Variants in L3MBTL2 observed in about 807,000 individuals in gnomAD.
L3MBTL2 encodes the protein lethal(3)malignant brain tumor-like protein 2.
Under a neutral mutation model 86.4 loss-of-function variants are expected in L3MBTL2, and 49 were observed. That is an observed-to-expected ratio of 0.57 (90% CI 0.45 to 0.72). The LOEUF (loss-of-function observed/expected upper bound fraction) is 0.72. Among genes scored for constraint, L3MBTL2 ranks in the 30% least tolerant of loss-of-function variants. The pLI is 0.00. For missense variants in L3MBTL2, 755 were observed against 923.7 expected (o/e 0.82, Z 2.37); for synonymous variants, 336 against 350.6 (o/e 0.96, Z 0.47).
rs750415998 is a variant in L3MBTL2 at position 41,224,221 on chromosome 22, C to T, written c.1144C>T (p.Arg382Ter). ...CCTGATCCACCCAGTGGGTTGGTCA[C>T]GACGTGTGGGCCACGGCATCAAGAT... Reference protein sequence around the residue: ...SPLIHPVGWSRRVGHGIKMSE... With the variant: ...SPLIHPVGWS The change falls in exon 9 of 17, where the codon CGA becomes TGA. Residue 382 changes from arginine (R) to a stop codon, truncating the protein, a stop_gained. Coordinates refer to ENST00000216237, the MANE Select transcript of L3MBTL2 (RefSeq NM_031488.5). LOFTEE classifies it high-confidence loss of function. The surrounding 1 kb of genome is among the most constrained non-coding windows in gnomAD (Gnocchi z 4.9). The T allele has an allele frequency of 2.5e-6, 4 of 1,613,132 alleles. No homozygotes were observed. The highest frequency in any genetic ancestry group is 1.7e-5 in the Admixed American group (1 of 59,998).
At position 41,222,682 on chromosome 22, in the gene L3MBTL2, G is replaced by A. The variant is rs564071418; in HGVS notation, c.943-1338G>A. ...CTCCTGTAATCCCAGCACTTTGGGA[G>A]GCCGAGGTCAGAAGATCACCTGAGG... On this transcript the variant is annotated intron_variant, in intron 8 of 16. Coordinates refer to ENST00000216237, the MANE Select transcript of L3MBTL2 (RefSeq NM_031488.5). Among the ~76,000 whole-genome samples the A allele has an allele frequency of 2.4e-4, 37 of 152,078 alleles. 1 individual carries two copies. In the South Asian group the frequency reaches 7.7e-3, roughly 32 times the overall value.
rs139439 is a variant in L3MBTL2, at chr22:41,210,026, A to T, written c.262+93A>T. On this transcript the variant is annotated intron_variant, in intron 2 of 16. Transcript: ENST00000216237. ...ATAGGCTATATGGGCAGAGCCATCC[A>T]GATGTAAAAGGCTATTAACTCTGAT... 10 of 1,503,818 alleles carry T rather than the reference A, an allele frequency of 6.6e-6. No homozygotes were observed. The East Asian group carries it at 2.0e-4, about 31-fold the overall frequency. 93.2% of individuals were successfully genotyped at this position (1,503,818 alleles called of 1,614,324 possible).
rs1415991948 is a variant in L3MBTL2, at chr22:41,223,983, T to C, written c.943-37T>C. On this transcript the variant is annotated intron_variant, in intron 8 of 16. Coordinates refer to ENST00000216237, the MANE Select transcript of L3MBTL2 (RefSeq NM_031488.5). Reference sequence around the variant, plus strand: ...GCAGGAGGGTGGGTGGGAAGAGCCCTGAGCCATAGCAGGCCTGTGTTCTGA... The same window carrying C: ...GCAGGAGGGTGGGTGGGAAGAGCCCCGAGCCATAGCAGGCCTGTGTTCTGA... The C allele has an allele frequency of 5.2e-6, 8 of 1,553,040 alleles. No individual in the cohort carries two copies. The African/African-American group carries it at 1.1e-4, about 21-fold the overall frequency.
In L3MBTL2 at chr22:41,221,217, C is replaced by G. The variant is rs1300885573; in HGVS notation, c.872C>G (p.Thr291Ser). ...TCCACAGCCATCCATGCCAAGTTCA[C>G]CGACTGGAAGGGCTACCTCATGAAA... is the stretch of plus-strand genomic sequence containing the variant. The part of the protein sequence containing the change: ...VPPRTIHAKF[T>S]DWKGYLMKRL... The change falls in exon 8 of 17, where the codon ACC becomes AGC. Residue 291 changes from threonine (T) to serine (S), a missense_variant. Coordinates refer to ENST00000216237, the MANE Select transcript of L3MBTL2 (RefSeq NM_031488.5). 2 of 1,550,584 alleles carry G rather than the reference C, an allele frequency of 1.3e-6. No homozygotes were observed. Among genetic ancestry groups the G allele is most frequent in the Non-Finnish European group, 1.7e-6 (2 of 1,146,040 alleles).
At chr22:41,211,664 C>G (rs1209724772) in intron 2 of L3MBTL2, among the ~76,000 whole-genome samples, 1 of 148,412 alleles carries the variant, frequency 6.7e-6, no homozygotes, top group African/African-American at 2.5e-5. Context: ...TCAAGCCATT[C>G]TCCTGCCTCA....
In L3MBTL2 at chr22:41,229,578, CAG is replaced by C. The variant is rs758401498; in HGVS notation, c.1928_1929del (p.Gln643ArgfsTer134). The C allele has an allele frequency of 1.3e-5, 21 of 1,613,392 alleles. No individual in the cohort carries two copies. The highest frequency in any genetic ancestry group is 1.7e-4 in the Middle Eastern group (1 of 5,992). On this transcript the variant is annotated frameshift_variant, in exon 16 of 17. Transcript: ENST00000216237. LOFTEE classifies it high-confidence loss of function. ...GCCCACTAAGACGCGACCCCTCAGA[CAG>C]GGGTCCAAGAAGCCCCTGCTGGAGG... Reference protein sequence around the residue: ...IPPTKTRPLRQGSKKPLLEDD... With the variant: ...IPPTKTRPLRXGSKKPLLEDD...
At chr22:41,226,228 G>T (rs1409316267) in intron 12 of L3MBTL2, among the ~76,000 whole-genome samples, 2 of 152,004 alleles carry the variant, frequency 1.3e-5, no homozygotes, top group Non-Finnish European at 2.9e-5. Flanking sequence ...AGTGAGCCGA[G>T]ATCATGCCAT....
In L3MBTL2 at chr22:41,216,156, A is replaced by G; in HGVS notation, c.414A>G (p.Lys138=). 1 of 1,613,802 alleles carries G rather than the reference A, an allele frequency of 6.2e-7. No homozygotes were observed. The highest frequency in any genetic ancestry group is 8.5e-7 in the Non-Finnish European group (1 of 1,179,872). Residue 138 remains lysine (K), a synonymous_variant, in exon 4 of 17, where the codon AAA becomes AAG. Transcript: ENST00000216237. ...CTCTCCAGGGAAAACCACCGACCAA[A>G]AAAGCCAAAGTCCTGCACAAGGCTG... ...LARLQGKPPT[K]KAKVLHKAAW... is the part of the protein sequence containing the mutation.
rs758875511 is a variant in L3MBTL2, at chr22:41,211,573, T to TTTTTTTTTTTTTTC, written c.262+1641_262+1642insTTTTTTTTTTTTCT. 5.1e-4 allele frequency among the ~76,000 whole-genome samples: 71 copies of TTTTTTTTTTTTTTC among 139,558 alleles called. 3 individuals carry two copies. The highest frequency in any genetic ancestry group is 2.7e-3 in the East Asian group (13 of 4,730). 91.6% of individuals were successfully genotyped at this position (139,558 alleles called of 152,430 possible). Reference sequence around the variant, plus strand: ...TCTTATTTCCTTTTTTTTTTTTTTTTTGAGACGGAGTCTTGCTCTGTCACC... The same window carrying TTTTTTTTTTTTTTC: ...TCTTATTTCCTTTTTTTTTTTTTTTTTTTTTTTTTTTTTCTGAGACGGAGTCTTGCTCTGTCACC... On this transcript the variant is annotated intron_variant, in intron 2 of 16. Coordinates refer to ENST00000216237, the MANE Select transcript of L3MBTL2 (RefSeq NM_031488.5).
chr22:41,229,627 A>G lies in L3MBTL2; in HGVS notation c.1976A>G (p.Lys659Arg). The change falls in exon 16 of 17, where the codon AAG (lysine) becomes AGG (arginine). Residue 659 changes from lysine (K) to arginine (R), a missense_variant. By Grantham distance (26) the Lys-to-Arg change is conservative. Coordinates refer to ENST00000216237, the MANE Select transcript of L3MBTL2 (RefSeq NM_031488.5). ...GAGGACGACCCTCAGGGTGCCAGGA[A>G]GATCTCGTCGGAGCCTGTTCCTGGC... ...LLEDDPQGAR[K>R]ISSEPVPGEI... 6.2e-7 allele frequency: 1 copy of G among 1,613,832 alleles called. No homozygotes were observed. Among genetic ancestry groups the G allele is most frequent in the Non-Finnish European group, 8.5e-7 (1 of 1,179,980 alleles).
At chr22:41,217,401 C>T (rs762413790) in intron 5 of L3MBTL2, 199 bp downstream of exon 5, 14 of 571,990 alleles carry the variant, frequency 2.4e-5, no homozygotes, top group Non-Finnish European at 4.1e-5. Context: ...ACCTGCTTGG[C>T]TTCACTCCCG....
chr22:41,209,977 T>G, intron 2 of L3MBTL2, 44 bp downstream of exon 2: 1 of 1,599,564 alleles, frequency 6.3e-7, no homozygotes, highest in Non-Finnish European at 8.5e-7. Context: ...AGATAGAAGA[T>G]TATAGAGGAA....
In L3MBTL2 at chr22:41,219,479, AGTGATGCT is replaced by A; in HGVS notation, c.665_672del (p.Asp222AlafsTer24). ...AGGGATGAAGGTGGAGGTGCTCAAC[AGTGATGCT>A]GTGCTCCCCAGCCGGGTGTACTGGA... On this transcript the variant is annotated frameshift_variant, in exon 6 of 17. Transcript: ENST00000216237. LOFTEE classifies it high-confidence loss of function. 6.2e-7 allele frequency: 1 copy of A among 1,613,974 alleles called. No individual in the cohort carries two copies. The highest frequency in any genetic ancestry group is 8.5e-7 in the Non-Finnish European group (1 of 1,179,908).
intron 6 of L3MBTL2, among the ~76,000 whole-genome samples, chr22:41,219,766 G>T (rs537291418): frequency 6.6e-6 from 1 of 152,172 alleles, no homozygotes; most frequent in Non-Finnish European, 1.5e-5. Flanking sequence ...TTTTTAGATG[G>T]TGTCTTGCTC....
In L3MBTL2 at chr22:41,219,455, G is replaced by C; in HGVS notation, c.637G>C (p.Gly213Arg). 6.2e-7 allele frequency: 1 copy of C among 1,613,918 alleles called. No homozygotes were observed. The highest frequency in any genetic ancestry group is 8.5e-7 in the Non-Finnish European group (1 of 1,179,856). Residue 213 changes from glycine to arginine, a missense_variant, in exon 6 of 17, where the codon GGG becomes CGG. By Grantham distance (125) the Gly-to-Arg change is moderately radical. Around this residue, in one of 3 missense-constraint regions of L3MBTL2, gnomAD observed 634 missense variants for 748.9 expected, o/e 0.85. Transcript: ENST00000216237. ...LYDQWEDVMK[G>R]MKVEVLNSDA... ...TGACCAGTGGGAGGATGTGATGAAA[G>C]GGATGAAGGTGGAGGTGCTCAACAG...
At chr22:41,217,387 T>C (rs928647378) in intron 5 of L3MBTL2, 185 bp downstream of exon 5, 3 of 583,234 alleles carry the variant, frequency 5.1e-6, no homozygotes, top group Non-Finnish European at 9.2e-6. Flanking sequence ...CAAACACTTC[T>C]ATCACCTGCT....
chr22:41,226,656 C>A lies in L3MBTL2; in HGVS notation c.1505-6C>A. 6.2e-7 allele frequency: 1 copy of A among 1,610,270 alleles called. No homozygotes were observed. The highest frequency in any genetic ancestry group is 8.5e-7 in the Non-Finnish European group (1 of 1,176,542). ...CCCTCTGCATCTGAGCTTTCTGCTCCTCCAGGTTATGAGGCACAGACTTTC... is the reference window on the plus strand; with the variant it reads ...CCCTCTGCATCTGAGCTTTCTGCTCATCCAGGTTATGAGGCACAGACTTTC... On this transcript the variant is annotated splice_region_variant and splice_polypyrimidine_tract_variant and intron_variant, in intron 12 of 16. Coordinates refer to ENST00000216237, the MANE Select transcript of L3MBTL2 (RefSeq NM_031488.5).
intron 2 of L3MBTL2, among the ~76,000 whole-genome samples, chr22:41,212,759 G>A (rs2030994006): frequency 6.6e-6 from 1 of 151,812 alleles, no homozygotes; most frequent in South Asian, 2.1e-4. Flanking sequence ...GCCAGGCGTG[G>A]TGGCACATGC....
chr22:41,216,377 C>A, intron 4 of L3MBTL2, 115 bp downstream of exon 4: 1 of 1,317,094 alleles, frequency 7.6e-7, no homozygotes, highest in Non-Finnish European at 1.0e-6. Context: ...AGAAAGTGCC[C>A]TAAGTCAGGG....
Sources: allele counts gnomAD v4.1 joint callset (sites outside exome capture counted in the v4.1 genomes callset), GRCh38; gene constraint gnomAD v4.1.1; regional missense constraint gnomAD v4.1.1; non-coding constraint Gnocchi (gnomAD v3.1); transcripts MANE v1.5; gene names NCBI Gene and HGNC (gene_info 2026-07-23, HGNC 2026-07-21).